The following HSD11B1L variants were observed in gnomAD, a reference collection of about 807,000 sequenced individuals.
HSD11B1L encodes hydroxysteroid 11-beta-dehydrogenase 1-like protein.
HSD11B1L carries 22 observed loss-of-function variants against 27.0 expected under a neutral mutation model. The observed-to-expected ratio is 0.81, with a 90% CI of 0.58 to 1.16. The LOEUF (loss-of-function observed/expected upper bound fraction) is 1.16, where lower values mean the gene tolerates loss of function less well. HSD11B1L is among the 50% of genes most tolerant of loss of function. The probability of loss-of-function intolerance (pLI) is 0.00; values close to 1 mark genes in which losing one functional copy is unlikely to be tolerated. For synonymous variants in HSD11B1L, 187 were observed against 189.2 expected (o/e 0.99, Z 0.09); for missense variants, 372 against 401.8 (o/e 0.93, Z 0.63).
intron 1 of HSD11B1L, chr19:5,684,016 G>A (rs999546879): frequency 8.7e-6 from 4 of 461,284 alleles, no homozygotes; most frequent in Non-Finnish European, 1.6e-5. Context: ...CGCTCTTGTT[G>A]CCTAGGCTGG....
Position 5,687,606 on chromosome 19 carries a change from C to T in HSD11B1L, c.606C>T (p.Asn202=). Reference sequence around the variant, plus strand: ...GGGAGCTGGACGTGCAGGACGTGAACGTGGCCATCACCATGTGCGTCCTGG... The same window carrying T: ...GGGAGCTGGACGTGCAGGACGTGAATGTGGCCATCACCATGTGCGTCCTGG... ...LRRELDVQDV[N]VAITMCVLGL... The change falls in exon 7 of 8, where the codon AAC becomes AAT. Residue 202 remains asparagine, a synonymous_variant. Transcript: ENST00000339423. This position sits in a 1 kb window ranked among gnomAD's most constrained non-coding sequence, Gnocchi z 6.6. 4 of 1,598,380 alleles carry T rather than the reference C, an allele frequency of 2.5e-6. No homozygotes were observed. The highest frequency in any genetic ancestry group is 2.5e-6 in the Non-Finnish European group (3 of 1,178,508).
chr19:5,684,466 G>A, intron 1 of HSD11B1L: 1 of 427,400 alleles, frequency 2.3e-6, no homozygotes, highest in Non-Finnish European at 4.2e-6. Flanking sequence ...AACAGCGAAG[G>A]GTCTGTTTTA....
rs774437910 is a variant in HSD11B1L, at chr19:5,687,495, G to A, written c.503-8G>A. On this transcript the variant is annotated splice_region_variant and splice_polypyrimidine_tract_variant and intron_variant, in intron 6 of 7. Transcript: ENST00000339423. The surrounding 1 kb of genome is among the most constrained non-coding windows in gnomAD (Gnocchi z 6.6). ...GAGCCACTCAGCCGCTGCCGTCCGC[G>A]CCCCCAGGCCGCGTGCCCACGTCGT... 4 of 1,591,948 alleles carry A rather than the reference G, an allele frequency of 2.5e-6. No homozygotes were observed. The highest frequency in any genetic ancestry group is 1.7e-4 in the Middle Eastern group (1 of 5,772).
At position 5,688,203 on chromosome 19, in the gene HSD11B1L, A is replaced by T. The variant is rs532663451; in HGVS notation, c.*258A>T. ...CTGTTTGGCCATGATTGATGACGTG[A>T]CTGCTTCCATTTTGCAGATGAGGAA... On this transcript the variant is annotated 3_prime_UTR_variant, in exon 8 of 8. Transcript: ENST00000339423. 3 of 1,543,844 alleles carry T rather than the reference A, an allele frequency of 1.9e-6. No individual in the cohort carries two copies. In the East Asian group the frequency reaches 7.3e-5, roughly 38 times the overall value.
Position 5,687,658 on chromosome 19 carries a change from G to A in HSD11B1L, c.658G>A (p.Glu220Lys), listed in dbSNP as rs979572712. 8 of 1,584,642 alleles carry A rather than the reference G, an allele frequency of 5.0e-6. No homozygotes were observed. Among genetic ancestry groups the A allele is most frequent in the Non-Finnish European group, 6.0e-6 (7 of 1,171,116 alleles). Reference sequence around the variant, plus strand: ...CCTCCGAGATCGCGCCTCCGCCGCCGAGGCAGTCAGGTGAGGCCCGGACAA... The same window carrying A: ...CCTCCGAGATCGCGCCTCCGCCGCCAAGGCAGTCAGGTGAGGCCCGGACAA... ...LGLRDRASAA[E>K]AVRGVTRVKA... is the part of the protein sequence containing the mutation. Residue 220 changes from glutamate to lysine, a missense_variant, in exon 7 of 8, where the codon GAG (glutamate) becomes AAG (lysine). Physicochemically the swap from Glu to Lys is moderately conservative, Grantham distance 56. Transcript: ENST00000339423. This position sits in a 1 kb window ranked among gnomAD's most constrained non-coding sequence, Gnocchi z 6.6.
chr19:5,681,889 G>C (rs1034856992), intron 1 of HSD11B1L, among the ~76,000 whole-genome samples: 6 of 152,198 alleles, frequency 3.9e-5, no homozygotes, highest in Admixed American at 3.3e-4. Flanking sequence ...CCGTCCACCC[G>C]TCAGTCCATC....
intron 4 of HSD11B1L, 97 bp from the exon 5 acceptor site, chr19:5,686,803 G>A (rs2054704563): frequency 1.9e-6 from 2 of 1,062,682 alleles, no homozygotes; most frequent in Non-Finnish European, 2.7e-6. Context: ...GGCGGAGCTC[G>A]CTGGACCAGC....
At position 5,687,317 on chromosome 19, in the gene HSD11B1L, G is replaced by T. The variant is rs2145559613; in HGVS notation, c.444G>T (p.Arg148=). Residue 148 remains arginine (R), a synonymous_variant, in exon 6 of 8, where the codon CGG becomes CGT. Coordinates refer to ENST00000339423, the MANE Select transcript of HSD11B1L (RefSeq NM_198706.3). The surrounding 1 kb of genome is among the most constrained non-coding windows in gnomAD (Gnocchi z 6.6). ...TGAGCTACGTGCAACTGACGTCGCG[G>T]GCGCTGCCCAGCCTGACGGACAGCA... The part of the protein sequence containing the change: ...NFVSYVQLTS[R]ALPSLTDSKG... The T allele has an allele frequency of 6.2e-7, 1 of 1,612,876 alleles. No homozygotes were observed. The highest frequency in any genetic ancestry group is 8.5e-7 in the Non-Finnish European group (1 of 1,179,776).
Position 5,687,464 on chromosome 19 carries a change from G to C in HSD11B1L, c.503-39G>C. 6.3e-7 allele frequency: 1 copy of C among 1,588,310 alleles called. No homozygotes were observed. Among genetic ancestry groups the C allele is most frequent in the Non-Finnish European group, 8.5e-7 (1 of 1,172,336 alleles). On this transcript the variant is annotated intron_variant, in intron 6 of 7. Coordinates refer to ENST00000339423, the MANE Select transcript of HSD11B1L (RefSeq NM_198706.3). This position sits in a 1 kb window ranked among gnomAD's most constrained non-coding sequence, Gnocchi z 6.6. ...GAGGGTCTGGGCAGGCTTCCCGGAC[G>C]AGGGGGAGCCACTCAGCCGCTGCCG...
chr19:5,681,976 T>C (rs563118424), intron 1 of HSD11B1L, among the ~76,000 whole-genome samples: 230 of 152,336 alleles, frequency 1.5e-3, no homozygotes, highest in African/African-American at 5.4e-3. Flanking sequence ...CAGAGGAGCT[T>C]CATGGGCTGT....
In HSD11B1L at chr19:5,687,252, C is replaced by G. The variant is rs777483087; in HGVS notation, c.409-30C>G. The G allele has an allele frequency of 6.2e-6, 10 of 1,608,872 alleles. No individual in the cohort carries two copies. Among genetic ancestry groups the G allele is most frequent in the Non-Finnish European group, 8.5e-6 (10 of 1,178,194 alleles). ...CCCGCCCTGCCCCTGGGCTCCGCCT[C>G]TGCCGGTGACTCGCGAGTGCCGCCT... On this transcript the variant is annotated intron_variant, in intron 5 of 7. Coordinates refer to ENST00000339423, the MANE Select transcript of HSD11B1L (RefSeq NM_198706.3). The surrounding 1 kb of genome is among the most constrained non-coding windows in gnomAD (Gnocchi z 6.6).
rs1260183843 is a variant in HSD11B1L, at chr19:5,687,389, G to A, written c.502+14G>A. On this transcript the variant is annotated intron_variant, in intron 6 of 7. Transcript: ENST00000339423. The surrounding 1 kb of genome is among the most constrained non-coding windows in gnomAD (Gnocchi z 6.6). ...CCTCGCTGCTCGGTGCGTGCACCCG[G>A]CCCCGGCTCTGCGGGACGGGGAGTG... 2 of 1,609,706 alleles carry A rather than the reference G, an allele frequency of 1.2e-6. No homozygotes were observed. The highest frequency in any genetic ancestry group is 1.7e-6 in the Non-Finnish European group (2 of 1,179,014).
Position 5,685,160 on chromosome 19 carries a change from TG to T in HSD11B1L, c.204+47del, listed in dbSNP as rs1406407108. 8 of 1,537,144 alleles carry T rather than the reference TG, an allele frequency of 5.2e-6. No individual in the cohort carries two copies. Among genetic ancestry groups the T allele is most frequent in the African/African-American group, 1.4e-5 (1 of 72,934 alleles). ...TCTAGATGAATGGTGGGGGTGCTCA[TG>T]GGGGGTGGGAAGAGAGCCTGGGTTT... On this transcript the variant is annotated intron_variant, in intron 3 of 7. Coordinates refer to ENST00000339423, the MANE Select transcript of HSD11B1L (RefSeq NM_198706.3). This position sits in a 1 kb window ranked among gnomAD's most constrained non-coding sequence, Gnocchi z 4.3.
rs1204883518 is a variant in HSD11B1L at position 5,687,796 on chromosome 19, C to G, written c.712C>G (p.Leu238Val). The change falls in exon 8 of 8, where the codon CTG becomes GTG. Residue 238 changes from leucine to valine, a missense_variant. Transcript: ENST00000339423. This position sits in a 1 kb window ranked among gnomAD's most constrained non-coding sequence, Gnocchi z 6.6. ...GGCGGCCCCGGGGCCCAAGGCAGCC[C>G]TGGCCGTGATCCGCGGCGGCGCCAC... is the stretch of plus-strand genomic sequence containing the variant. ...VKAAPGPKAA[L>V]AVIRGGATRA... 3.4e-5 allele frequency: 52 copies of G among 1,511,848 alleles called. No individual in the cohort carries two copies. Among genetic ancestry groups the G allele is most frequent in the Non-Finnish European group, 4.6e-5 (52 of 1,134,838 alleles). 93.7% of individuals were successfully genotyped at this position (1,511,848 alleles called of 1,614,324 possible).
chr19:5,681,463 A>C (rs140533533), intron 1 of HSD11B1L, among the ~76,000 whole-genome samples, 192 bp downstream of exon 1: 338 of 151,818 alleles, frequency 2.2e-3, no homozygotes, highest in Non-Finnish European at 2.9e-3. Context: ...CCGTCTATCC[A>C]TCTGGCCATC....
rs2054758803 is a variant in HSD11B1L, at chr19:5,688,089, A to C, written c.*144A>C. On this transcript the variant is annotated 3_prime_UTR_variant, in exon 8 of 8. Transcript: ENST00000339423. ...TCAAGACAGAAAAGCAAAACCGAGA[A>C]AAACGACGGGCACCTGGAACCAGTC... is the stretch of plus-strand genomic sequence containing the variant. 5.2e-6 allele frequency: 8 copies of C among 1,551,518 alleles called. No homozygotes were observed. The highest frequency in any genetic ancestry group is 7.0e-6 in the Non-Finnish European group (8 of 1,146,984).
At chr19:5,684,225 A>G in intron 1 of HSD11B1L, 1 of 345,486 alleles carries the variant, frequency 2.9e-6, no homozygotes, top group East Asian at 4.3e-5. Flanking sequence ...CATGTTGGCC[A>G]GGCTGGTCTC....
chr19:5,683,789 T>C (rs1329055277), intron 1 of HSD11B1L, among the ~76,000 whole-genome samples: 1 of 151,880 alleles, frequency 6.6e-6, no homozygotes, highest in East Asian at 1.9e-4. Context: ...AGCTGCTCCA[T>C]TGGCTGAGGC....
intron 1 of HSD11B1L, among the ~76,000 whole-genome samples, chr19:5,682,014 G>A (rs1376695101): frequency 6.6e-6 from 1 of 152,238 alleles, no homozygotes; most frequent in Non-Finnish European, 1.5e-5. Context: ...GTGGAAGCTC[G>A]TTTCTTGCTG....
Sources: allele counts gnomAD v4.1 joint callset (sites outside exome capture counted in the v4.1 genomes callset), GRCh38; gene constraint gnomAD v4.1.1; non-coding constraint Gnocchi (gnomAD v3.1); transcripts MANE v1.5; gene names NCBI Gene and HGNC (gene_info 2026-07-23, HGNC 2026-07-21).